Variants in SGK3 observed in about 807,000 individuals in gnomAD.
The protein encoded by SGK3 is serum/glucocorticoid regulated kinase family member 3.
A neutral mutation model predicts 68.5 loss-of-function variants in SGK3; 47 were observed. That is an observed-to-expected ratio of 0.69 (90% confidence interval 0.54 to 0.87). The LOEUF is 0.87. SGK3 is among the 40% of genes least tolerant of loss of function. The pLI is 0.00. For missense variants in SGK3, 479 were observed against 575.5 expected (o/e 0.83, Z 1.72); for synonymous variants, 181 against 189.1 (o/e 0.96, Z 0.35).
Position 66,767,736 on chromosome 8 carries a change from G to A in SGK3, c.-121-25880G>A, listed in dbSNP as rs755103839. On this transcript the variant is annotated intron_variant, in intron 1 of 16. Transcript: ENST00000521198. ...TAACAGTCTTCTCAGTCATCTTTTT[G>A]GCAGAAAAGCTTGGCTGTTTTTGTT... The A allele has an allele frequency of 1.9e-6, 3 of 1,543,298 alleles. No individual in the cohort carries two copies. In the Admixed American group the frequency reaches 5.0e-5, roughly 26 times the overall value.
At chr8:66,762,304 A>T (rs1055254921) in intron 1 of SGK3, among the ~76,000 whole-genome samples, 8 of 152,164 alleles carry the variant, frequency 5.3e-5, no homozygotes, top group African/African-American at 1.9e-4. Context: ...CATCAGCTGG[A>T]CGTCAGGAGA....
At chr8:66,812,708 G>A (rs1333711973) in intron 4 of SGK3, among the ~76,000 whole-genome samples, 1 of 151,992 alleles carries the variant, frequency 6.6e-6, no homozygotes, top group Non-Finnish European at 1.5e-5. Flanking sequence ...TATAAACTTA[G>A]ATGCATTATC....
chr8:66,772,269 A>T, intron 1 of SGK3, among the ~76,000 whole-genome samples: 1 of 147,646 alleles, frequency 6.8e-6, no homozygotes, highest in East Asian at 2.1e-4. Context: ...TAATTTTTTT[A>T]TAGAGACGGA....
At chr8:66,843,993 CAAAAAAAAAAAAAA>C (rs11311018) in intron 14 of SGK3, among the ~76,000 whole-genome samples, 2 of 71,412 alleles carry the variant, frequency 2.8e-5, no homozygotes, top group African/African-American at 1.1e-4. Context: ...GACTCTGTCT[CAAAAAAAAAAAAAA>C]AAAAAAAAAA....
In SGK3 at chr8:66,843,517, G is replaced by A. The variant is rs1413555735; in HGVS notation, c.1044G>A (p.Gly348=). The change falls in exon 14 of 17, where the codon GGG becomes GGA. Residue 348 remains glycine (G), a synonymous_variant. Transcript: ENST00000521198. The stretch of plus-strand genomic sequence containing the variant: ...ATACTGTAGATTGGTGGTGCCTTGG[G>A]GCTGTTCTGTATGAAATGCTGTATG... ...YDNTVDWWCL[G]AVLYEMLYGL... 5 of 1,613,710 alleles carry A rather than the reference G, an allele frequency of 3.1e-6. No homozygotes were observed. The highest frequency in any genetic ancestry group is 4.2e-6 in the Non-Finnish European group (5 of 1,179,940).
intron 1 of SGK3, among the ~76,000 whole-genome samples, chr8:66,745,941 C>G (rs922682826): frequency 3.3e-5 from 5 of 152,142 alleles, no homozygotes; most frequent in Non-Finnish European, 7.4e-5. Context: ...AGCCCACCTC[C>G]CAACACCTGT....
At chr8:66,831,339 T>A in intron 8 of SGK3, 28 bp downstream of exon 8, 1 of 1,609,174 alleles carries the variant, frequency 6.2e-7, no homozygotes, top group Non-Finnish European at 8.5e-7. Flanking sequence ...GGTTTTTATT[T>A]GGTTTTGGTT....
intron 6 of SGK3, among the ~76,000 whole-genome samples, chr8:66,825,598 C>A (rs1373960921): frequency 6.6e-6 from 1 of 152,190 alleles, no homozygotes; most frequent in Non-Finnish European, 1.5e-5. Context: ...TGAGCCACCT[C>A]GTCTGGCCTA....
At chr8:66,840,959 T>A in intron 12 of SGK3, 65 bp from the exon 13 acceptor site, 82 of 1,126,624 alleles carry the variant, frequency 7.3e-5, no homozygotes, top group Middle Eastern at 2.4e-4. Context: ...AAAAAAAAAA[T>A]TAACTGAAAA....
chr8:66,798,403 A>T (rs1248839204), intron 2 of SGK3, 139 bp from the exon 3 acceptor site: 2 of 601,708 alleles, frequency 3.3e-6, no homozygotes, highest in African/African-American at 3.7e-5. Context: ...GTTTCGGAAT[A>T]TGAAAACATC....
At chr8:66,755,258 C>CAAA (rs57985306) in intron 1 of SGK3, among the ~76,000 whole-genome samples, 4,717 of 86,828 alleles carry the variant, frequency 0.054, 92 homozygotes, top group Admixed American at 0.075. Flanking sequence ...GACTCCATCT[C>CAAA]AAAAAAAAAA....
intron 1 of SGK3, among the ~76,000 whole-genome samples, chr8:66,759,863 G>T (rs776964898): frequency 3.0e-4 from 46 of 152,094 alleles, no homozygotes; most frequent in Non-Finnish European, 6.6e-4. Context: ...GAGATTACAG[G>T]CATGAGCCAC....
intron 5 of SGK3, 48 bp from the exon 6 acceptor site, chr8:66,822,324 C>T (rs1472063065): frequency 1.3e-6 from 2 of 1,532,712 alleles, no homozygotes; most frequent in East Asian, 2.3e-5. Context: ...GGGAGAAAGG[C>T]TGTAGAAATG....
intron 6 of SGK3, among the ~76,000 whole-genome samples, chr8:66,828,144 A>C (rs1809142639): frequency 6.6e-6 from 1 of 151,990 alleles, no homozygotes; most frequent in African/African-American, 2.4e-5. Flanking sequence ...AAAAGAAAGA[A>C]AGAAAAGAAA....
At chr8:66,839,855 T>G in intron 10 of SGK3, 148 bp from the exon 11 acceptor site, 1 of 682,336 alleles carries the variant, frequency 1.5e-6, no homozygotes, top group Non-Finnish European at 2.4e-6. Flanking sequence ...GGGAGTCACA[T>G]TTCTGTGCCT....
chr8:66,844,778 T>G (rs1415338307), intron 14 of SGK3, among the ~76,000 whole-genome samples: 1 of 152,250 alleles, frequency 6.6e-6, no homozygotes, highest in Non-Finnish European at 1.5e-5. Flanking sequence ...GCACATGAAG[T>G]ACATTTCAGA....
At chr8:66,859,151 T>C (rs1810655580) in intron 16 of SGK3, among the ~76,000 whole-genome samples, 1 of 152,026 alleles carries the variant, frequency 6.6e-6, no homozygotes, top group South Asian at 2.1e-4. Context: ...GCCAACATGA[T>C]GAAACCCTGT....
intron 1 of SGK3, chr8:66,767,416 C>T (rs1193910733): frequency 2.3e-6 from 3 of 1,314,144 alleles, no homozygotes; most frequent in Non-Finnish European, 3.3e-6. Context: ...TATGTCAGAG[C>T]AAACAGGTGG....
chr8:66,760,211 A>C (rs552808707), intron 1 of SGK3, among the ~76,000 whole-genome samples: 20 of 152,270 alleles, frequency 1.3e-4, no homozygotes, highest in South Asian at 2.1e-4. Flanking sequence ...TCATGGTGGC[A>C]GAAACTAATT....
Sources: allele counts gnomAD v4.1 joint callset (sites outside exome capture counted in the v4.1 genomes callset), GRCh38; gene constraint gnomAD v4.1.1; transcripts MANE v1.5; gene names NCBI Gene and HGNC (gene_info 2026-07-23, HGNC 2026-07-21).